MB21D2: variants seen among roughly 807,000 people sequenced by gnomAD.
The protein encoded by MB21D2 is nucleotidyltransferase MB21D2.
In MB21D2, 9 loss-of-function variants were observed where a neutral mutation model predicts 33.3. The ratio of observed to expected loss-of-function variants is 0.27; its 90% CI spans 0.16 to 0.47. MB21D2 has a LOEUF of 0.47. Among genes scored for constraint, MB21D2 ranks in the 20% least tolerant of loss-of-function variants. MB21D2 has a pLI of 0.99. For synonymous variants in MB21D2, 241 were observed against 236.3 expected (o/e 1.02, Z -0.18); for missense variants, 540 against 624.6 (o/e 0.86, Z 1.44).
chr3:192,877,347 T>C (rs1713453454), intron 1 of MB21D2, among the ~76,000 whole-genome samples: 1 of 150,466 alleles, frequency 6.6e-6, no homozygotes, highest in African/African-American at 2.5e-5. Context: ...AGGTCATAAT[T>C]TGAGGAAAAT....
At position 192,812,692 on chromosome 3, in the gene MB21D2, G is replaced by A. The variant is rs568890352; in HGVS notation, c.212-13042C>T. On this transcript the variant is annotated intron_variant, in intron 1 of 1. Coordinates refer to ENST00000392452, the MANE Select transcript of MB21D2 (RefSeq NM_178496.4). ...AACTATACTGTAACTACACAGACACGTCTCCTCTTGTTCTTTGAGGATAAT... is the reference window on the plus strand; with the variant it reads ...AACTATACTGTAACTACACAGACACATCTCCTCTTGTTCTTTGAGGATAAT... 9.2e-5 allele frequency among the ~76,000 whole-genome samples: 14 copies of A among 152,176 alleles called. No homozygotes were observed. In the South Asian group the frequency reaches 2.7e-3, roughly 29 times the overall value.
chr3:192,857,025 G>A (rs1172114090), intron 1 of MB21D2, among the ~76,000 whole-genome samples: 1 of 152,102 alleles, frequency 6.6e-6, no homozygotes, highest in East Asian at 1.9e-4. Context: ...CAGCAAACAA[G>A]AAAAAAGTAC....
At chr3:192,846,063 C>T (rs1712674361) in intron 1 of MB21D2, among the ~76,000 whole-genome samples, 2 of 152,072 alleles carry the variant, frequency 1.3e-5, no homozygotes, top group Admixed American at 1.3e-4. Flanking sequence ...CAGCCTGAGA[C>T]CCTGTCTCAA....
intron 1 of MB21D2, among the ~76,000 whole-genome samples, chr3:192,861,848 T>A (rs79676825): frequency 1.3e-5 from 2 of 152,232 alleles, no homozygotes; most frequent in Admixed American, 1.3e-4. Context: ...ATTTCTATCA[T>A]GAACCATGTC....
At chr3:192,873,257 C>G (rs1713350993) in intron 1 of MB21D2, among the ~76,000 whole-genome samples, 1 of 152,180 alleles carries the variant, frequency 6.6e-6, no homozygotes. Context: ...TAACAATACC[C>G]AAGTGTGTCA....
intron 1 of MB21D2, among the ~76,000 whole-genome samples, chr3:192,802,422 C>G (rs1055978266): frequency 1.1e-4 from 17 of 152,170 alleles, no homozygotes; most frequent in Non-Finnish European, 1.2e-4. Context: ...ACACTAAATA[C>G]TATCCAAGCA....
chr3:192,913,809 G>A (rs546120184), intron 1 of MB21D2, among the ~76,000 whole-genome samples: 2 of 152,208 alleles, frequency 1.3e-5, no homozygotes, highest in South Asian at 2.1e-4. Context: ...TCCAGGCTGG[G>A]CAACGGAGCA....
At chr3:192,835,152 TTA>T (rs1560234791) in intron 1 of MB21D2, among the ~76,000 whole-genome samples, 2 of 65,158 alleles carry the variant, frequency 3.1e-5, no homozygotes, top group South Asian at 1.7e-3. Context: ...GAAAGTGTCT[TTA>T]AAAAAAAAAA....
At chr3:192,823,776 A>G (rs1395112546) in intron 1 of MB21D2, among the ~76,000 whole-genome samples, 2 of 152,226 alleles carry the variant, frequency 1.3e-5, no homozygotes, top group East Asian at 3.8e-4. Flanking sequence ...TTAGAACTCC[A>G]GTACTCATGT....
Position 192,880,978 on chromosome 3 carries a change from CAT to C in MB21D2, c.211+36650_211+36651del, listed in dbSNP as rs573039964. Among the ~76,000 whole-genome samples the C allele has an allele frequency of 1.3e-3, 194 of 152,000 alleles. 1 individual carries two copies. Among genetic ancestry groups the C allele is most frequent in the African/African-American group, 4.5e-3 (186 of 41,364 alleles). Reference sequence around the variant, plus strand: ...AAATTATAAAGAATGTACACACAAACATATATATTTATATACACATCTATATA... The same window carrying C: ...AAATTATAAAGAATGTACACACAAACATATATTTATATACACATCTATATA... On this transcript the variant is annotated intron_variant, in intron 1 of 1. Coordinates refer to ENST00000392452, the MANE Select transcript of MB21D2 (RefSeq NM_178496.4).
intron 1 of MB21D2, among the ~76,000 whole-genome samples, chr3:192,878,096 TTTTTTG>T (rs1713478158): frequency 7.1e-6 from 1 of 140,612 alleles, no homozygotes; most frequent in Non-Finnish European, 1.5e-5. Context: ...TTTTTTTTTT[TTTTTTG>T]GTTTTTTTTG....
At chr3:192,849,774 T>C (rs1370413499) in intron 1 of MB21D2, among the ~76,000 whole-genome samples, 1 of 152,222 alleles carries the variant, frequency 6.6e-6, no homozygotes, top group African/African-American at 2.4e-5. Flanking sequence ...CAGAATAGTA[T>C]AAAGACAGCA....
intron 1 of MB21D2, among the ~76,000 whole-genome samples, chr3:192,869,310 G>GAGGGAAGGAGGGAAAA (rs1206748646): frequency 1.4e-5 from 2 of 141,816 alleles, no homozygotes; most frequent in African/African-American, 5.5e-5. Context: ...AGGAGGGAAG[G>GAGGGAAGGAGGGAAAA]AGGGAAGGAG....
At chr3:192,917,500 C>CT in intron 1 of MB21D2, 130 bp downstream of exon 1, 1 of 860,698 alleles carries the variant, frequency 1.2e-6, no homozygotes, top group Non-Finnish European at 1.8e-6. Context: ...ACAGAGATGG[C>CT]TTATACCCAA....
At position 192,798,333 on chromosome 3, in the gene MB21D2, C is replaced by A. The variant is rs1560223332; in HGVS notation, c.*53G>T. ...AACAGAAAGATAGCATCACAAACCA[C>A]ACGACACATTATCAGAGTTTAAGAA... is the stretch of plus-strand genomic sequence containing the variant. On this transcript the variant is annotated 3_prime_UTR_variant, in exon 2 of 2. Transcript: ENST00000392452. This position sits in a 1 kb window ranked among gnomAD's most constrained non-coding sequence, Gnocchi z 4.8. The A allele has an allele frequency of 4.5e-6, 7 of 1,571,064 alleles. No homozygotes were observed. The highest frequency in any genetic ancestry group is 6.1e-6 in the Non-Finnish European group (7 of 1,152,846).
chr3:192,832,246 T>C (rs1483165920), intron 1 of MB21D2, among the ~76,000 whole-genome samples: 3 of 152,302 alleles, frequency 2.0e-5, no homozygotes, highest in East Asian at 3.9e-4. Context: ...AACAAGATAA[T>C]ATTGACACAC....
At chr3:192,858,848 T>C (rs1027932833) in intron 1 of MB21D2, among the ~76,000 whole-genome samples, 7 of 152,216 alleles carry the variant, frequency 4.6e-5, no homozygotes, top group Non-Finnish European at 7.3e-5. Flanking sequence ...ATAGGCTCTA[T>C]TTACAGCGTA....
At chr3:192,809,569 C>T (rs1327242662) in intron 1 of MB21D2, among the ~76,000 whole-genome samples, 1 of 152,174 alleles carries the variant, frequency 6.6e-6, no homozygotes, top group Admixed American at 6.5e-5. Context: ...GCCTTTGGAA[C>T]TGCCACATAA....
At chr3:192,870,328 T>C (rs1321080006) in intron 1 of MB21D2, among the ~76,000 whole-genome samples, 1 of 152,132 alleles carries the variant, frequency 6.6e-6, no homozygotes, top group African/African-American at 2.4e-5. Flanking sequence ...AGCCCAAGAC[T>C]AGTGAGCACG....
Sources: allele counts gnomAD v4.1 joint callset (sites outside exome capture counted in the v4.1 genomes callset), GRCh38; gene constraint gnomAD v4.1.1; non-coding constraint Gnocchi (gnomAD v3.1); transcripts MANE v1.5; gene names NCBI Gene and HGNC (gene_info 2026-07-23, HGNC 2026-07-21).